PPA1: variants seen among roughly 807,000 people sequenced by gnomAD.
PPA1 encodes the protein inorganic pyrophosphatase.
PPA1 carries 23 observed loss-of-function variants against 41.8 expected under a neutral mutation model. That is an observed-to-expected ratio of 0.55 (90% CI 0.40 to 0.78). PPA1 has a LOEUF of 0.78. Ranked by LOEUF, PPA1 falls within the 30% of genes least tolerant of loss-of-function variation. The pLI is 0.00. For synonymous variants in PPA1, 101 were observed against 116.8 expected, an observed-to-expected ratio of 0.86 and a Z score of 0.87; for missense variants, 320 against 361.6, an observed-to-expected ratio of 0.89 and a Z score of 0.93.
At chr10:70,223,090 C>T (rs1467232272) in intron 2 of PPA1, among the ~76,000 whole-genome samples, 15 of 152,050 alleles carry the variant, frequency 9.9e-5, no homozygotes, top group East Asian at 1.9e-4. Context: ...CTCAGCCAGG[C>T]GTGGCGACTA....
At chr10:70,229,793 CT>C (rs1405713192) in intron 2 of PPA1, among the ~76,000 whole-genome samples, 5 of 149,760 alleles carry the variant, frequency 3.3e-5, no homozygotes, top group African/African-American at 4.9e-5. Context: ...GTAATTTTTT[CT>C]TTTTTTTTTC....
chr10:70,216,209 C>T (rs66526203), intron 4 of PPA1, among the ~76,000 whole-genome samples: 16,161 of 152,012 alleles, frequency 0.11, 1,229 homozygotes, highest in East Asian at 0.22. Context: ...CAATTGAGGC[C>T]GGGCGTGGTG....
In PPA1 at chr10:70,210,773, T is replaced by TTA. The variant is rs1182083118; in HGVS notation, c.512-1089_512-1088insTA. Among the ~76,000 whole-genome samples, 17 of 151,322 alleles carry TTA rather than the reference T, an allele frequency of 1.1e-4. 1 individual carries two copies. Among genetic ancestry groups the TTA allele is most frequent in the Admixed American group, 2.0e-4 (3 of 15,154 alleles). ...ATAACATTGCTTCACTCCAATTTAT[T>TTA]TTTTTTTTTTGAGAAGGAGTCTCGC... On this transcript the variant is annotated intron_variant, in intron 6 of 10. Coordinates refer to ENST00000373232, the MANE Select transcript of PPA1 (RefSeq NM_021129.4).
At chr10:70,215,478 TC>T (rs1208992015) in intron 4 of PPA1, among the ~76,000 whole-genome samples, 3 of 152,016 alleles carry the variant, frequency 2.0e-5, no homozygotes, top group African/African-American at 4.8e-5. Context: ...TCCTTTTTTT[TC>T]TTTTTTTCTT....
intron 9 of PPA1, 80 bp from the exon 10 acceptor site, chr10:70,204,995 G>A (rs1190118992): frequency 1.8e-6 from 2 of 1,128,730 alleles, no homozygotes; most frequent in South Asian, 1.4e-5. Context: ...AAAAATTTAA[G>A]AGAATCTGAA....
intron 5 of PPA1, 100 bp from the exon 6 acceptor site, chr10:70,213,689 G>T: frequency 7.3e-7 from 1 of 1,373,072 alleles, no homozygotes; most frequent in Non-Finnish European, 9.8e-7. Flanking sequence ...CCAAGTTCTT[G>T]AGAATTTACC....
chr10:70,212,427 A>G (rs1840031538), intron 6 of PPA1, among the ~76,000 whole-genome samples: 1 of 152,204 alleles, frequency 6.6e-6, no homozygotes, highest in Admixed American at 6.5e-5. Context: ...AAACAACCCA[A>G]ATGTCCATCA....
chr10:70,221,269 A>C (rs1840166155), intron 2 of PPA1, among the ~76,000 whole-genome samples: 1 of 150,372 alleles, frequency 6.7e-6, no homozygotes, highest in African/African-American at 2.5e-5. Context: ...TTTCAAGTCA[A>C]TAATTACCTG....
chr10:70,211,713 A>T (rs6480446), intron 6 of PPA1, among the ~76,000 whole-genome samples: 109,204 of 151,862 alleles, frequency 0.72, 40,077 homozygotes, highest in Non-Finnish European at 0.79. Flanking sequence ...AGGAAAATAA[A>T]GCCTTAGTAA....
At chr10:70,231,384 T>G (rs1840288357) in intron 1 of PPA1, among the ~76,000 whole-genome samples, 1 of 152,108 alleles carries the variant, frequency 6.6e-6, no homozygotes, top group East Asian at 1.9e-4. Context: ...CTGGCCAACA[T>G]GGTGAAACCC....
At chr10:70,228,855 CTATCTAATAG>C (rs2136772265) in intron 2 of PPA1, among the ~76,000 whole-genome samples, 1 of 152,306 alleles carries the variant, frequency 6.6e-6, no homozygotes, top group East Asian at 1.9e-4. Context: ...GTGTCTATTT[CTATCTAATAG>C]TCAGGCCCAG....
At chr10:70,230,542 A>C in intron 1 of PPA1, 143 bp from the exon 2 acceptor site, 1 of 814,878 alleles carries the variant, frequency 1.2e-6, no homozygotes, top group Non-Finnish European at 1.9e-6. Context: ...GCTCACTGCC[A>C]CTTCTGTTTC....
chr10:70,206,778 A>T (rs1839944959), intron 8 of PPA1, among the ~76,000 whole-genome samples: 1 of 148,968 alleles, frequency 6.7e-6, no homozygotes, highest in Non-Finnish European at 1.5e-5. Context: ...TGGAAGGCGG[A>T]GATTTCAGTC....
At chr10:70,233,181 CG>C (rs914564825) in intron 1 of PPA1, 82 bp downstream of exon 1, 2 of 1,433,866 alleles carry the variant, frequency 1.4e-6, no homozygotes, top group African/African-American at 3.0e-5. Flanking sequence ...GGGCCGAGCG[CG>C]GGCCGCACCC....
chr10:70,217,997 A>G, intron 3 of PPA1, 66 bp from the exon 4 acceptor site: 1 of 1,356,838 alleles, frequency 7.4e-7, no homozygotes, highest in Non-Finnish European at 1.0e-6. Flanking sequence ...TAAGGATCTG[A>G]GGAAATGAAT....
At chr10:70,232,828 G>T (rs1489644870) in intron 1 of PPA1, among the ~76,000 whole-genome samples, 1 of 151,970 alleles carries the variant, frequency 6.6e-6, no homozygotes, top group Non-Finnish European at 1.5e-5. Flanking sequence ...CTACGGCGGC[G>T]GAATTAAGGT....
At chr10:70,206,069 A>C in intron 9 of PPA1, 195 bp downstream of exon 9, 1 of 574,140 alleles carries the variant, frequency 1.7e-6, no homozygotes. Context: ...ATTGATTAGA[A>C]TCACTCCCTC....
chr10:70,218,334 C>T, intron 3 of PPA1: 1 of 178,114 alleles, frequency 5.6e-6, no homozygotes, highest in Non-Finnish European at 1.2e-5. Context: ...AAAGTGATTA[C>T]TGTTAAGAGT....
In PPA1 at chr10:70,209,578, T is replaced by C; in HGVS notation, c.619A>G (p.Asn207Asp). 1 of 1,604,234 alleles carries C rather than the reference T, an allele frequency of 6.2e-7. No homozygotes were observed. The highest frequency in any genetic ancestry group is 1.3e-5 in the African/African-American group (1 of 74,444). Residue 207 changes from asparagine to aspartate, a missense_variant, in exon 7 of 11, where the codon AAT (asparagine) becomes GAT (aspartate). Asn to Asp is a conservative substitution (Grantham distance 23). Transcript: ENST00000373232. ...ATTACCTTATCTTTAAATTCTGCAT[T>C]AAACGCAAACTCATTTTCTGGTTTT... Reference protein sequence around the residue: ...DGKPENEFAFNAEFKDKDFAI... With the variant: ...DGKPENEFAFDAEFKDKDFAI...
Sources: allele counts gnomAD v4.1 joint callset (sites outside exome capture counted in the v4.1 genomes callset), GRCh38; gene constraint gnomAD v4.1.1; transcripts MANE v1.5; gene names NCBI Gene and HGNC (gene_info 2026-07-23, HGNC 2026-07-21).